The following TNIP1 variants were observed in gnomAD, a reference collection of about 807,000 sequenced individuals.
The protein encoded by TNIP1 is TNFAIP3-interacting protein 1.
Under a neutral mutation model 86.6 loss-of-function variants are expected in TNIP1, and 22 were observed. The observed-to-expected ratio is 0.25, with a 90% confidence interval of 0.18 to 0.36. The LOEUF is 0.36. Among genes scored for constraint, TNIP1 ranks in the 10% least tolerant of loss-of-function variants. TNIP1 has a pLI of 1.00. For missense variants in TNIP1, 709 were observed against 820.6 expected (o/e 0.86, Z 1.66); for synonymous variants, 294 against 313.0 (o/e 0.94, Z 0.64).
chr5:151,042,768 C>T lies in TNIP1; in HGVS notation c.1003-97G>A, dbSNP rs552796700. On this transcript the variant is annotated intron_variant, in intron 10 of 17. Transcript: ENST00000521591. Reference sequence around the variant, plus strand: ...GCTGCCCCTGGGCCCTCCAACACTGCCCCCAACTTCTCCTCTGGGCCATAC... The same window carrying T: ...GCTGCCCCTGGGCCCTCCAACACTGTCCCCAACTTCTCCTCTGGGCCATAC... 1.1e-5 allele frequency: 17 copies of T among 1,593,150 alleles called. No homozygotes were observed. In the African/African-American group the frequency reaches 1.9e-4, roughly 18 times the overall value.
At chr5:151,044,641 A>C (rs1294936010) in intron 9 of TNIP1, among the ~76,000 whole-genome samples, 2 of 152,220 alleles carry the variant, frequency 1.3e-5, no homozygotes, top group Non-Finnish European at 2.9e-5. Flanking sequence ...AAGGGGAGGC[A>C]GGCTCAGGGT....
chr5:151,033,474 A>AC, intron 16 of TNIP1, 134 bp downstream of exon 16: 1 of 570,318 alleles, frequency 1.8e-6, no homozygotes, highest in East Asian at 3.3e-5. Context: ...GGCCCTGGAC[A>AC]CCCACCTGCC....
chr5:151,063,641 G>A lies in TNIP1; in HGVS notation c.243C>T (p.Gly81=). 6.2e-7 allele frequency: 1 copy of A among 1,614,046 alleles called. No individual in the cohort carries two copies. The highest frequency in any genetic ancestry group is 8.5e-7 in the Non-Finnish European group (1 of 1,179,992). Residue 81 remains glycine (G), a synonymous_variant, in exon 3 of 18, where the codon GGC becomes GGT. Coordinates refer to ENST00000521591, the MANE Select transcript of TNIP1 (RefSeq NM_006058.5). ...TGAGCTCAGCCAGGGGGTCGAAGGA[G>A]CCCAAGGAGGGAGAAGGTGGTGGGA... The part of the protein sequence containing the change: ...ELLPPPSPSL[G]SFDPLAELTG...
chr5:151,061,063 C>T (rs756636688), intron 4 of TNIP1, among the ~76,000 whole-genome samples: 8 of 152,240 alleles, frequency 5.3e-5, no homozygotes, highest in Non-Finnish European at 1.0e-4. Flanking sequence ...ACCAAATCCA[C>T]GGTGGCCAAG....
At chr5:151,082,485 C>A (rs1287262699), upstream of TNIP1, among the ~76,000 whole-genome samples, 3 of 152,198 alleles carry the variant, frequency 2.0e-5, no homozygotes, top group Non-Finnish European at 4.4e-5. Context: ...TGCCAGTTTT[C>A]TTCCTGCTCT....
chr5:151,031,456 A>C (rs1014192140), intron 17 of TNIP1, among the ~76,000 whole-genome samples: 2 of 152,216 alleles, frequency 1.3e-5, no homozygotes, highest in Non-Finnish European at 2.9e-5. Flanking sequence ...GAGCAATGGC[A>C]GTCGCTAAGG....
intron 8 of TNIP1, among the ~76,000 whole-genome samples, chr5:151,049,524 G>A (rs973823555): frequency 6.6e-6 from 1 of 152,144 alleles, no homozygotes; most frequent in Non-Finnish European, 1.5e-5. Flanking sequence ...ATGTGTTTAC[G>A]GAATGCACCC....
intron 7 of TNIP1, 31 bp downstream of exon 7, chr5:151,052,134 C>G: frequency 6.2e-7 from 1 of 1,605,394 alleles, no homozygotes; most frequent in Non-Finnish European, 8.5e-7. Flanking sequence ...GCCCCCACTC[C>G]TCACCCCTTC....
At chr5:151,067,084 C>T (rs1762321759) in intron 1 of TNIP1, among the ~76,000 whole-genome samples, 1 of 152,206 alleles carries the variant, frequency 6.6e-6, no homozygotes, top group Admixed American at 6.5e-5. Flanking sequence ...CCTGCTGAGC[C>T]TGCGAGGCAA....
intron 9 of TNIP1, 148 bp downstream of exon 9, chr5:151,045,713 T>C (rs1581778402): frequency 4.1e-6 from 3 of 728,982 alleles, no homozygotes; most frequent in Admixed American, 4.1e-5. Flanking sequence ...TCAGACCTCA[T>C]CCATGGGCAG....
At chr5:151,057,096 G>T in intron 5 of TNIP1, 139 bp from the exon 6 acceptor site, 1 of 938,220 alleles carries the variant, frequency 1.1e-6, no homozygotes, top group Non-Finnish European at 1.4e-6. Flanking sequence ...AAATTCTCCA[G>T]TTATGCAGGT....
At chr5:151,039,595 G>A (rs905024786) in intron 11 of TNIP1, among the ~76,000 whole-genome samples, 1 of 152,136 alleles carries the variant, frequency 6.6e-6, no homozygotes, top group Admixed American at 6.5e-5. Flanking sequence ...GAGACCTCAG[G>A]AGGCCTGTGA....
chr5:151,035,537 C>A (rs2233302), intron 14 of TNIP1, 45 bp downstream of exon 14: 5 of 1,613,624 alleles, frequency 3.1e-6, no homozygotes, highest in Non-Finnish European at 4.2e-6. Context: ...CCCCTCTCCC[C>A]ACGAGGACAG....
At chr5:151,034,162 CAGAAGGCTAGTACATGGGCAT>C (rs1321327441) in intron 15 of TNIP1, among the ~76,000 whole-genome samples, 1 of 139,560 alleles carries the variant, frequency 7.2e-6, no homozygotes, top group African/African-American at 2.7e-5. Flanking sequence ...TACATGGGCA[CAGAAGGCTAGTACATGGGCAT>C]GGAAAGCTGG....
chr5:151,039,313 G>T, intron 11 of TNIP1, 88 bp from the exon 12 acceptor site: 1 of 1,445,520 alleles, frequency 6.9e-7, no homozygotes, highest in Non-Finnish European at 9.2e-7. Flanking sequence ...CAGCCCTTAC[G>T]TTCTCCCCTG....
upstream of TNIP1, among the ~76,000 whole-genome samples, chr5:151,082,319 A>C (rs1764082869): frequency 6.6e-6 from 1 of 152,232 alleles, no homozygotes; most frequent in South Asian, 2.1e-4. Context: ...AATTACACTT[A>C]TGCCTTGATT....
At chr5:151,038,452 C>G (rs2113343316) in intron 12 of TNIP1, among the ~76,000 whole-genome samples, 1 of 152,280 alleles carries the variant, frequency 6.6e-6, no homozygotes, top group South Asian at 2.1e-4. Context: ...CAAAACTGAA[C>G]TGGAGAGGCT....
chr5:151,070,296 A>G (rs369743016), intron 1 of TNIP1, among the ~76,000 whole-genome samples: 1 of 152,244 alleles, frequency 6.6e-6, no homozygotes, highest in East Asian at 1.9e-4. Flanking sequence ...CAAAATAATA[A>G]GAGTATACAG....
Position 151,049,890 on chromosome 5 carries a change from C to G in TNIP1, c.780G>C (p.Ala260=). Residue 260 remains alanine, a synonymous_variant, in exon 8 of 18, where the codon GCG becomes GCC. Coordinates refer to ENST00000521591, the MANE Select transcript of TNIP1 (RefSeq NM_006058.5). ...LLMSNGNKEG[A]SGRPGSPKME... ...TCTTCGGTGAGCCTGGCCGCCCAGACGCACCCTCTTTGTTGCCATTGCTCA... is the reference window on the plus strand; with the variant it reads ...TCTTCGGTGAGCCTGGCCGCCCAGAGGCACCCTCTTTGTTGCCATTGCTCA... The G allele has an allele frequency of 6.2e-7, 1 of 1,614,210 alleles. No individual in the cohort carries two copies. Among genetic ancestry groups the G allele is most frequent in the Non-Finnish European group, 8.5e-7 (1 of 1,180,026 alleles).
Sources: gnomAD v4.1 joint callset for allele counts (sites outside exome capture counted in the v4.1 genomes callset) on GRCh38, gnomAD v4.1.1 for gene constraint, MANE v1.5 for transcripts, NCBI Gene and HGNC (gene_info 2026-07-23, HGNC 2026-07-21) for gene names.